ASTN2: variants seen among roughly 807,000 people sequenced by gnomAD.
ASTN2 encodes the protein astrotactin 2, also known as astrotactin-2.
A neutral mutation model predicts 139.8 loss-of-function variants in ASTN2; 54 were observed. The observed-to-expected ratio is 0.39, with a 90% CI of 0.31 to 0.48. The LOEUF (loss-of-function observed/expected upper bound fraction) is 0.48. Among genes scored for constraint, ASTN2 ranks in the 20% least tolerant of loss-of-function variants. ASTN2 has a pLI of 0.95. For missense variants in ASTN2, 1,565 were observed against 1,725.1 expected (o/e 0.91, Z 1.64); for synonymous variants, 756 against 719.5 (o/e 1.05, Z -0.81).
chr9:117,264,501 G>A (rs970412584), intron 2 of ASTN2, among the ~76,000 whole-genome samples: 1 of 152,196 alleles, frequency 6.6e-6, no homozygotes, highest in African/African-American at 2.4e-5. Context: ...GCTTGGTGTA[G>A]TGCCTGGCAT....
chr9:117,293,031 TATC>T (rs1323157328), intron 1 of ASTN2, among the ~76,000 whole-genome samples: 2 of 151,982 alleles, frequency 1.3e-5, no homozygotes, highest in African/African-American at 4.8e-5. Flanking sequence ...GATATTGATT[TATC>T]ATCATCATCA....
At chr9:116,954,933 T>C (rs770999127) in intron 10 of ASTN2, among the ~76,000 whole-genome samples, 20 of 152,202 alleles carry the variant, frequency 1.3e-4, no homozygotes, top group Admixed American at 2.6e-4. Context: ...ATCTGTAGTT[T>C]AAAAAGCCCT....
At chr9:116,738,094 A>G (rs1446572042) in intron 13 of ASTN2, among the ~76,000 whole-genome samples, 1 of 151,290 alleles carries the variant, frequency 6.6e-6, no homozygotes, top group Non-Finnish European at 1.5e-5. Flanking sequence ...CGGGAGGCTG[A>G]GGCAGGAGAA....
At chr9:116,429,261 C>T (rs530634339) in intron 22 of ASTN2, among the ~76,000 whole-genome samples, 2 of 150,320 alleles carry the variant, frequency 1.3e-5, no homozygotes, top group South Asian at 2.1e-4. Flanking sequence ...ATTGCTTGAA[C>T]CCAGGAGGTG....
chr9:117,174,136 TAGATA>T (rs1464569313), intron 3 of ASTN2, among the ~76,000 whole-genome samples: 5 of 149,136 alleles, frequency 3.4e-5, no homozygotes, highest in Non-Finnish European at 6.0e-5. Context: ...GATAGATAGA[TAGATA>T]GATAGATAGA....
At chr9:116,850,828 C>T (rs575677628) in intron 11 of ASTN2, among the ~76,000 whole-genome samples, 3 of 151,062 alleles carry the variant, frequency 2.0e-5, no homozygotes, top group African/African-American at 7.3e-5. Flanking sequence ...AAGAGAGAAG[C>T]AGCAGCCCAA....
chr9:116,868,045 G>C (rs1833063320), intron 10 of ASTN2, among the ~76,000 whole-genome samples: 1 of 152,160 alleles, frequency 6.6e-6, no homozygotes, highest in Admixed American at 6.5e-5. Flanking sequence ...GAATGGAAGA[G>C]CACTGGGGGC....
chr9:116,461,343 A>G (rs77629634), intron 20 of ASTN2, among the ~76,000 whole-genome samples: 2,678 of 152,134 alleles, frequency 0.018, 91 homozygotes, highest in African/African-American at 0.062. Context: ...ATTGTGCCAG[A>G]CCACATAGTA....
intron 16 of ASTN2, among the ~76,000 whole-genome samples, chr9:116,653,293 C>T (rs1858027151): frequency 6.6e-6 from 1 of 152,146 alleles, no homozygotes; most frequent in South Asian, 2.1e-4. Context: ...CAATTGATTG[C>T]ATAGAAAAAG....
intron 5 of ASTN2, among the ~76,000 whole-genome samples, chr9:117,091,223 A>G (rs1239168694): frequency 6.6e-6 from 1 of 152,196 alleles, no homozygotes; most frequent in Non-Finnish European, 1.5e-5. Flanking sequence ...CATCCTGAAC[A>G]CCTATAAGCC....
chr9:117,050,457 C>T (rs1838885121), intron 5 of ASTN2, among the ~76,000 whole-genome samples: 1 of 152,082 alleles, frequency 6.6e-6, no homozygotes, highest in Non-Finnish European at 1.5e-5. Flanking sequence ...TTCCCCTACT[C>T]CTGCTTCCTC....
intron 14 of ASTN2, 96 bp from the exon 15 acceptor site, chr9:116,729,192 C>A (rs1564236133): frequency 1.6e-5 from 15 of 924,704 alleles, no homozygotes; most frequent in Non-Finnish European, 2.0e-5. Flanking sequence ...GAAACAGACA[C>A]CTCTTTGAAG....
chr9:116,749,336 C>T (rs1829337246), intron 13 of ASTN2, among the ~76,000 whole-genome samples: 1 of 152,148 alleles, frequency 6.6e-6, no homozygotes, highest in Non-Finnish European at 1.5e-5. Flanking sequence ...TCTTCTCCTC[C>T]TGCCCTGACA....
rs577319497 is a variant in ASTN2, at chr9:116,888,778, T to C, written c.1890-25045A>G. ...ATAGGTAAATGTGTGTCATGGTGGT[T>C]TGCTGCACCTATCAACCCATCACCT... On this transcript the variant is annotated intron_variant, in intron 10 of 22. Transcript: ENST00000313400. 1.4e-4 allele frequency among the ~76,000 whole-genome samples: 21 copies of C among 152,288 alleles called. No homozygotes were observed. In the East Asian group the frequency reaches 3.9e-3, roughly 28 times the overall value.
intron 2 of ASTN2, among the ~76,000 whole-genome samples, chr9:117,236,304 TC>T (rs543049574): frequency 1.8e-3 from 268 of 152,300 alleles, no homozygotes; most frequent in African/African-American, 6.1e-3. Context: ...TCAGCCACAG[TC>T]CTGGAACAGT....
intron 1 of ASTN2, among the ~76,000 whole-genome samples, chr9:117,338,582 G>A (rs146071675): frequency 6.6e-5 from 10 of 152,158 alleles, no homozygotes; most frequent in South Asian, 2.1e-4. Flanking sequence ...ACCCTAACAC[G>A]TAGAAGAAAA....
chr9:117,034,968 G>C (rs1248488865), intron 6 of ASTN2, among the ~76,000 whole-genome samples: 1 of 152,094 alleles, frequency 6.6e-6, no homozygotes, highest in Non-Finnish European at 1.5e-5. Context: ...AGTAAACATT[G>C]AGTATAACTA....
chr9:116,876,469 T>C (rs970940597), intron 10 of ASTN2, among the ~76,000 whole-genome samples: 2 of 152,220 alleles, frequency 1.3e-5, no homozygotes, highest in African/African-American at 4.8e-5. Context: ...GTGGCAGGGT[T>C]GGAGTAAATT....
chr9:116,693,533 AC>A (rs747040382), intron 16 of ASTN2, among the ~76,000 whole-genome samples: 3 of 151,922 alleles, frequency 2.0e-5, no homozygotes, highest in Non-Finnish European at 4.4e-5. Context: ...ATGTGCTAGT[AC>A]AGTATGGTAT....
Sources: gnomAD v4.1 joint callset for allele counts (sites outside exome capture counted in the v4.1 genomes callset) on GRCh38, gnomAD v4.1.1 for gene constraint, MANE v1.5 for transcripts, NCBI Gene and HGNC (gene_info 2026-07-23, HGNC 2026-07-21) for gene names.